The following COL4A2 variants were observed in gnomAD, a reference collection of about 807,000 sequenced individuals.
COL4A2 encodes collagen alpha-2(IV) chain.
In COL4A2, 99 loss-of-function variants were observed where a neutral mutation model predicts 200.2. The ratio of observed to expected loss-of-function variants is 0.49; its 90% confidence interval spans 0.42 to 0.58. The LOEUF is 0.58. Among genes scored for constraint, COL4A2 ranks in the 20% least tolerant of loss-of-function variants. The pLI, the probability that COL4A2 is intolerant of heterozygous loss-of-function variation, is 0.00. For synonymous variants in COL4A2, 897 were observed against 900.6 expected, an observed-to-expected ratio of 1.00 and a Z score of 0.07; for missense variants, 1,950 against 2,314.1, an observed-to-expected ratio of 0.84 and a Z score of 3.23.
intron 3 of COL4A2, among the ~76,000 whole-genome samples, chr13:110,345,685 G>A (rs1876665943): frequency 6.6e-6 from 1 of 152,196 alleles, no homozygotes; most frequent in Non-Finnish European, 1.5e-5. Context: ...AGCCATTAGT[G>A]ATTTACAAAA....
At chr13:110,350,423 G>T (rs962173599) in intron 3 of COL4A2, among the ~76,000 whole-genome samples, 2 of 152,128 alleles carry the variant, frequency 1.3e-5, no homozygotes, top group Non-Finnish European at 2.9e-5. Flanking sequence ...TTAGCACTTG[G>T]AGGGATTAGA....
intron 4 of COL4A2, among the ~76,000 whole-genome samples, chr13:110,413,271 C>T (rs1879915683): frequency 6.6e-6 from 1 of 152,202 alleles, no homozygotes; most frequent in South Asian, 2.1e-4. Context: ...TAACAGACAG[C>T]ACATGGAGTG....
chr13:110,433,664 T>C (rs1455731534), intron 11 of COL4A2, among the ~76,000 whole-genome samples: 1 of 152,218 alleles, frequency 6.6e-6, no homozygotes, highest in African/African-American at 2.4e-5. Flanking sequence ...GCTGTCACTG[T>C]GGGAACACAC....
At chr13:110,312,338 C>T (rs998001246) in intron 3 of COL4A2, among the ~76,000 whole-genome samples, 3 of 151,962 alleles carry the variant, frequency 2.0e-5, no homozygotes, top group East Asian at 1.9e-4. Flanking sequence ...TACGACCAGG[C>T]GGCTATGTTT....
chr13:110,471,548 A>G (rs1003229882), intron 28 of COL4A2, among the ~76,000 whole-genome samples: 6 of 152,246 alleles, frequency 3.9e-5, no homozygotes, highest in African/African-American at 9.6e-5. Flanking sequence ...ACCCAAGTGC[A>G]TGGCTCCCTG....
chr13:110,308,748 C>G (rs1393259384), intron 3 of COL4A2, among the ~76,000 whole-genome samples: 1 of 152,164 alleles, frequency 6.6e-6, no homozygotes, highest in African/African-American at 2.4e-5. Flanking sequence ...CCACGCCGGC[C>G]GTGCACAGCC....
At chr13:110,310,345 A>G (rs1400485204) in intron 3 of COL4A2, among the ~76,000 whole-genome samples, 3 of 151,670 alleles carry the variant, frequency 2.0e-5, no homozygotes, top group South Asian at 2.1e-4. Context: ...GGAGTCCGGG[A>G]CTCCGCCTCC....
rs140309799 is a variant in COL4A2 at position 110,336,279 on chromosome 13, G to A, written c.100-21193G>A. ...AGCATAACTGATCTTTCATGAACAC[G>A]CAGGGAATCATAATGGCGCTGCACT... is the stretch of plus-strand genomic sequence containing the variant. On this transcript the variant is annotated intron_variant, in intron 3 of 47. Coordinates refer to ENST00000360467, the MANE Select transcript of COL4A2 (RefSeq NM_001846.4). Among the ~76,000 whole-genome samples the A allele has an allele frequency of 4.3e-4, 65 of 152,232 alleles. 1 individual carries two copies. In the East Asian group the frequency reaches 8.9e-3, roughly 21 times the overall value.
intron 4 of COL4A2, among the ~76,000 whole-genome samples, chr13:110,409,107 C>G (rs1756983095): frequency 2.5e-5 from 2 of 79,768 alleles, no homozygotes; most frequent in Admixed American, 1.5e-4. Context: ...GACACATACA[C>G]ATAACACACA....
At chr13:110,399,496 A>G (rs1413114377) in intron 4 of COL4A2, among the ~76,000 whole-genome samples, 2 of 152,230 alleles carry the variant, frequency 1.3e-5, no homozygotes, top group Admixed American at 6.5e-5. Context: ...CCCCAGACCT[A>G]AAGTCTTGCA....
chr13:110,392,170 G>C (rs1160545960), intron 4 of COL4A2, among the ~76,000 whole-genome samples: 1 of 152,142 alleles, frequency 6.6e-6, no homozygotes, highest in African/African-American at 2.4e-5. Context: ...AATATGGTGA[G>C]AACTTAAGAG....
rs1417811733 is a variant in COL4A2 at position 110,357,532 on chromosome 13, TA to T, written c.161del (p.Tyr54SerfsTer45). On this transcript the variant is annotated frameshift_variant, in exon 4 of 48. Transcript: ENST00000360467. LOFTEE classifies it high-confidence loss of function. ...AGATTGCAGTGGGGGCTGCCAGTGC[TA>T]CCCTGAGAAAGGTGGACGTGTAAGT... ...GRDCSGGCQC[Y>X]PEKGGRGQPG... 1.3e-6 allele frequency: 2 copies of T among 1,588,288 alleles called. No individual in the cohort carries two copies. The highest frequency in any genetic ancestry group is 2.3e-5 in the South Asian group (2 of 87,362).
intron 29 of COL4A2, among the ~76,000 whole-genome samples, chr13:110,474,511 T>A (rs1882601606): frequency 6.6e-6 from 1 of 152,068 alleles, no homozygotes; most frequent in Admixed American, 6.5e-5. Flanking sequence ...CACAGTTCAC[T>A]GAGAGAGCAA....
intron 3 of COL4A2, among the ~76,000 whole-genome samples, chr13:110,349,627 C>T (rs1422808060): frequency 6.6e-6 from 1 of 152,156 alleles, no homozygotes; most frequent in Non-Finnish European, 1.5e-5. Flanking sequence ...GAAACTAGAA[C>T]CTGGTTTTCC....
intron 4 of COL4A2, among the ~76,000 whole-genome samples, chr13:110,374,044 T>C (rs1458625871): frequency 6.6e-6 from 1 of 152,208 alleles, no homozygotes; most frequent in East Asian, 1.9e-4. Context: ...TTATTAATGT[T>C]CATCATAATC....
chr13:110,389,488 C>T (rs1438656921), intron 4 of COL4A2, among the ~76,000 whole-genome samples: 1 of 152,222 alleles, frequency 6.6e-6, no homozygotes, highest in African/African-American at 2.4e-5. Flanking sequence ...ACCCTCACAG[C>T]TGGGGAGCCC....
At position 110,334,934 on chromosome 13, in the gene COL4A2, C is replaced by T. The variant is rs116829853; in HGVS notation, c.100-22538C>T. Among the ~76,000 whole-genome samples the T allele has an allele frequency of 4.8e-3, 737 of 152,310 alleles. 7 individuals are homozygous for T. Among genetic ancestry groups the T allele is most frequent in the African/African-American group, 0.017 (698 of 41,566 alleles). Reference sequence around the variant, plus strand: ...GTCTGATTCAGCACAGTCAGATCCACGCAGCCCGTCTTCAGTCCAGGGAGG... The same window carrying T: ...GTCTGATTCAGCACAGTCAGATCCATGCAGCCCGTCTTCAGTCCAGGGAGG... On this transcript the variant is annotated intron_variant, in intron 3 of 47. Transcript: ENST00000360467.
intron 3 of COL4A2, among the ~76,000 whole-genome samples, chr13:110,316,573 A>G (rs1885134216): frequency 6.6e-6 from 1 of 152,288 alleles, no homozygotes; most frequent in Non-Finnish European, 1.5e-5. Context: ...ACCAAACCTA[A>G]GAGAGCATCC....
At position 110,512,290 on chromosome 13, in the gene COL4A2, A is replaced by T; in HGVS notation, c.*99A>T. Reference sequence around the variant, plus strand: ...GGTTTTATTTTTTTCTTAAAAAAAAAAAAGTCTACCAAAGGAATTTGCATC... The same window carrying T: ...GGTTTTATTTTTTTCTTAAAAAAAATAAAGTCTACCAAAGGAATTTGCATC... On this transcript the variant is annotated 3_prime_UTR_variant, in exon 48 of 48. Coordinates refer to ENST00000360467, the MANE Select transcript of COL4A2 (RefSeq NM_001846.4). 6.9e-7 allele frequency: 1 copy of T among 1,454,798 alleles called. No individual in the cohort carries two copies. Among genetic ancestry groups the T allele is most frequent in the Non-Finnish European group, 9.0e-7 (1 of 1,110,332 alleles). The allele number at this position is 1,454,798 out of a possible 1,614,324, so 90.1% of individuals were successfully genotyped here. A position where few individuals can be genotyped will look rare whatever the true frequency, so the allele number is the denominator to read the frequency against.
Sources: allele counts gnomAD v4.1 joint callset (sites outside exome capture counted in the v4.1 genomes callset), GRCh38; gene constraint gnomAD v4.1.1; transcripts MANE v1.5; gene names NCBI Gene and HGNC (gene_info 2026-07-23, HGNC 2026-07-21).